The following PPP1R42 variants were observed in gnomAD, a reference collection of about 807,000 sequenced individuals.
PPP1R42 encodes the protein protein phosphatase 1 regulatory subunit 42.
PPP1R42 carries 34 observed loss-of-function variants against 31.0 expected under a neutral mutation model. The observed-to-expected ratio is 1.10, with a 90% CI of 0.83 to 1.46. PPP1R42 has a LOEUF of 1.46. Ranked by LOEUF, PPP1R42 falls within the 40% of genes most tolerant of loss-of-function variation. The pLI is 0.00. For missense variants in PPP1R42, 268 were observed against 303.0 expected, an observed-to-expected ratio of 0.88 and a Z score of 0.86; for synonymous variants, 103 against 109.8, an observed-to-expected ratio of 0.94 and a Z score of 0.39.
chr8:66,969,726 C>G (rs1282981636), intron 7 of PPP1R42, among the ~76,000 whole-genome samples: 1 of 152,182 alleles, frequency 6.6e-6, no homozygotes, highest in East Asian at 1.9e-4. Context: ...GATAAGCCCA[C>G]TTGACCTTCA....
intron 7 of PPP1R42, among the ~76,000 whole-genome samples, chr8:66,966,711 G>A (rs1814390774): frequency 1.3e-5 from 2 of 152,032 alleles, no homozygotes; most frequent in Admixed American, 1.3e-4. Context: ...CATGAACCCG[G>A]GAGGCAGAGC....
chr8:66,981,330 G>A (rs1207506415), intron 7 of PPP1R42, among the ~76,000 whole-genome samples: 1 of 151,616 alleles, frequency 6.6e-6, no homozygotes, highest in Non-Finnish European at 1.5e-5. Flanking sequence ...CACAGATGTG[G>A]TCGTGATATA....
chr8:66,984,737 C>T, intron 6 of PPP1R42: 1 of 1,608,198 alleles, frequency 6.2e-7, no homozygotes, highest in East Asian at 2.2e-5. Flanking sequence ...ACATGGGCTT[C>T]TACCTTCGTG....
In PPP1R42 at chr8:66,977,592, G is replaced by A. The variant is rs372308295; in HGVS notation, c.802+4457C>T. Among the ~76,000 whole-genome samples, 97 of 152,132 alleles carry A rather than the reference G, an allele frequency of 6.4e-4. No individual in the cohort carries two copies. The South Asian group carries it at 0.017, about 27-fold the overall frequency. On this transcript the variant is annotated intron_variant, in intron 7 of 7. Transcript: ENST00000685739. Reference sequence around the variant, plus strand: ...ATGATCTTGGCTCACTGCAGCCTCCGCCTTCCAGGTTCAATCGATTCTCCT... The same window carrying A: ...ATGATCTTGGCTCACTGCAGCCTCCACCTTCCAGGTTCAATCGATTCTCCT...
chr8:66,970,428 C>A (rs1814506262), intron 7 of PPP1R42, among the ~76,000 whole-genome samples: 1 of 152,082 alleles, frequency 6.6e-6, no homozygotes, highest in Non-Finnish European at 1.5e-5. Context: ...GAACCATTGT[C>A]CCCAGCTCTG....
intron 1 of PPP1R42, among the ~76,000 whole-genome samples, chr8:67,020,765 C>A (rs1035936182): frequency 1.2e-4 from 18 of 152,184 alleles, no homozygotes; most frequent in African/African-American, 4.3e-4. Context: ...TTAACTGTAT[C>A]ACCAGAAATA....
chr8:66,982,464 A>AT (rs998325192), intron 6 of PPP1R42, among the ~76,000 whole-genome samples: 33 of 149,840 alleles, frequency 2.2e-4, no homozygotes, highest in East Asian at 7.8e-4. Context: ...TTATTTATTT[A>AT]TTTTTTTTTT....
intron 5 of PPP1R42, among the ~76,000 whole-genome samples, chr8:66,991,560 G>A (rs954400859): frequency 6.6e-6 from 1 of 152,174 alleles, no homozygotes; most frequent in Non-Finnish European, 1.5e-5. Flanking sequence ...CTGGGGAGAA[G>A]TGGGTCATCC....
rs1468517619 is a variant in PPP1R42, at chr8:66,972,550, C to T, written c.803-8216G>A. 4.6e-5 allele frequency among the ~76,000 whole-genome samples: 7 copies of T among 152,150 alleles called. No individual in the cohort carries two copies. The East Asian group carries it at 5.8e-4, about 13-fold the overall frequency. On this transcript the variant is annotated intron_variant, in intron 7 of 7. Transcript: ENST00000685739. Reference sequence around the variant, plus strand: ...GATTATAGGCGCCTGCCACCACACCCGGCTAATTTTTGTACTATTAGTAGA... The same window carrying T: ...GATTATAGGCGCCTGCCACCACACCTGGCTAATTTTTGTACTATTAGTAGA...
intron 5 of PPP1R42, among the ~76,000 whole-genome samples, chr8:67,003,596 C>G (rs113487109): frequency 6.6e-6 from 1 of 151,982 alleles, no homozygotes; most frequent in Non-Finnish European, 1.5e-5. Flanking sequence ...TTATGGAGGG[C>G]AATTCTGGTC....
chr8:67,016,864 C>T (rs1816031551), intron 2 of PPP1R42, among the ~76,000 whole-genome samples: 1 of 152,124 alleles, frequency 6.6e-6, no homozygotes, highest in Non-Finnish European at 1.5e-5. Context: ...CCTTCCCAAC[C>T]TTCCCTCACT....
At chr8:66,987,401 C>A in intron 6 of PPP1R42, among the ~76,000 whole-genome samples, 1 of 150,470 alleles carries the variant, frequency 6.6e-6, no homozygotes, top group East Asian at 1.9e-4. Context: ...AAGCGATTCT[C>A]CTATCTCAGC....
intron 5 of PPP1R42, among the ~76,000 whole-genome samples, chr8:67,006,050 C>T (rs1283933740): frequency 6.6e-6 from 1 of 152,158 alleles, no homozygotes; most frequent in Non-Finnish European, 1.5e-5. Flanking sequence ...ATTTACTGAG[C>T]ACCTACAATG....
In PPP1R42 at chr8:66,983,191, A is replaced by G. The variant is rs971787095; in HGVS notation, c.671-1011T>C. Among the ~76,000 whole-genome samples, 45 of 152,320 alleles carry G rather than the reference A, an allele frequency of 3.0e-4. 1 individual carries two copies. Among genetic ancestry groups the G allele is most frequent in the Non-Finnish European group, 1.5e-4 (10 of 68,036 alleles). Reference sequence around the variant, plus strand: ...CTGATAACACTTTTGTATATTTCTTAGCATGTTTTTATTTTCTATATATGT... The same window carrying G: ...CTGATAACACTTTTGTATATTTCTTGGCATGTTTTTATTTTCTATATATGT... On this transcript the variant is annotated intron_variant, in intron 6 of 7. Coordinates refer to ENST00000685739, the MANE Select transcript of PPP1R42 (RefSeq NM_001364910.1).
rs1418441456 is a variant in PPP1R42 at position 66,985,783 on chromosome 8, G to A, written c.670+2617C>T. 3 of 1,225,142 alleles carry A rather than the reference G, an allele frequency of 2.4e-6. No individual in the cohort carries two copies. In the African/African-American group the frequency reaches 4.4e-5, roughly 18 times the overall value. The allele number at this position is 1,225,142 out of a possible 1,614,324, so 75.9% of individuals were successfully genotyped here. A position where few individuals can be genotyped will look rare whatever the true frequency, so the allele number is the denominator to read the frequency against. Reference sequence around the variant, plus strand: ...TTTCCTCTCCTGGATTTGCCATTTTGCTGCGTCCATCATCTGTTTGATGTG... The same window carrying A: ...TTTCCTCTCCTGGATTTGCCATTTTACTGCGTCCATCATCTGTTTGATGTG... On this transcript the variant is annotated intron_variant, in intron 6 of 7. Transcript: ENST00000685739.
chr8:66,998,034 G>A (rs1471922579), intron 5 of PPP1R42, among the ~76,000 whole-genome samples: 1 of 152,098 alleles, frequency 6.6e-6, no homozygotes, highest in African/African-American at 2.4e-5. Context: ...GGGGCAGGCA[G>A]TATATGAGAA....
chr8:67,018,593 A>G (rs1308322664), intron 1 of PPP1R42, among the ~76,000 whole-genome samples: 4 of 150,098 alleles, frequency 2.7e-5, no homozygotes, highest in African/African-American at 7.4e-5. Context: ...GCTGACTGCA[A>G]CCTCCGTCTC....
intron 1 of PPP1R42, among the ~76,000 whole-genome samples, chr8:67,020,591 T>A (rs944001878): frequency 3.9e-5 from 6 of 152,214 alleles, no homozygotes. Context: ...CTTCAATTTC[T>A]TACAAAATAA....
chr8:66,984,067 A>G (rs1814928022), intron 6 of PPP1R42: 1 of 1,467,338 alleles, frequency 6.8e-7, no homozygotes, highest in African/African-American at 1.4e-5. Context: ...TGGGTTGGGA[A>G]ACAGAATAAG....
Sources: allele counts gnomAD v4.1 joint callset (sites outside exome capture counted in the v4.1 genomes callset), GRCh38; gene constraint gnomAD v4.1.1; transcripts MANE v1.5; gene names NCBI Gene and HGNC (gene_info 2026-07-23, HGNC 2026-07-21).